Variants in VPS37C observed in about 807,000 individuals in gnomAD.
VPS37C encodes vacuolar protein sorting-associated protein 37C.
A neutral mutation model predicts 16.1 loss-of-function variants in VPS37C; 9 were observed. That is an observed-to-expected ratio of 0.56 (90% CI 0.34 to 0.97). The LOEUF (loss-of-function observed/expected upper bound fraction) is 0.97. Among genes scored for constraint, VPS37C ranks in the 50% least tolerant of loss-of-function variants. The pLI, the probability that VPS37C is intolerant of heterozygous loss-of-function variation, is 0.02. For synonymous variants in VPS37C, 207 were observed against 206.4 expected, an observed-to-expected ratio of 1.00 and a Z score of -0.02; for missense variants, 479 against 472.7, an observed-to-expected ratio of 1.01 and a Z score of -0.12.
At position 61,134,235 on chromosome 11, in the gene VPS37C, G is replaced by C. The variant is rs199789627; in HGVS notation, c.94-28C>G. On this transcript the variant is annotated intron_variant, in intron 2 of 4. Transcript: ENST00000301765. ...AAAAGGGCAGGACAACAGAACCTAAGGAAAACGTCCATCACCCTTAACCTC... is the reference window on the plus strand; with the variant it reads ...AAAAGGGCAGGACAACAGAACCTAACGAAAACGTCCATCACCCTTAACCTC... The C allele has an allele frequency of 6.9e-5, 110 of 1,595,206 alleles. No homozygotes were observed. The East Asian group carries it at 1.1e-3, about 15-fold the overall frequency.
rs72280271 is a variant in VPS37C, at chr11:61,139,746, T to TTGG, written c.-6-912_-6-911insCCA. ...TCCAGAGGTGCATTCCATAGCTTTT[T>TTGG]TTTTTTTTTTTTTTTGAGACATGGT... is the stretch of plus-strand genomic sequence containing the variant. On this transcript the variant is annotated intron_variant, in intron 1 of 4. Coordinates refer to ENST00000301765, the MANE Select transcript of VPS37C (RefSeq NM_017966.5). 2.2e-3 allele frequency among the ~76,000 whole-genome samples: 68 copies of TTGG among 31,210 alleles called. 2 individuals carry two copies. Among genetic ancestry groups the TTGG allele is most frequent in the South Asian group, 5.6e-3 (2 of 358 alleles). The allele number at this position is 31,210 out of a possible 152,430, so 20.5% of individuals were successfully genotyped here.
chr11:61,134,114 T>A lies in VPS37C; in HGVS notation c.187A>T (p.Ser63Cys). The A allele has an allele frequency of 6.2e-7, 1 of 1,614,044 alleles. No homozygotes were observed. The highest frequency in any genetic ancestry group is 8.5e-7 in the Non-Finnish European group (1 of 1,179,998). ...TATCTATCCGAGAGGTTTGAGCGGCTGATCTCCAGGGGACCCTGGAACTCC... is the reference window on the plus strand; with the variant it reads ...TATCTATCCGAGAGGTTTGAGCGGCAGATCTCCAGGGGACCCTGGAACTCC... ...NLEFQGPLEISRSNLSDRYQE... is the reference protein window; with the variant it reads ...NLEFQGPLEICRSNLSDRYQE... Residue 63 changes from serine to cysteine, a missense_variant, in exon 3 of 5, where the codon AGC becomes TGC. Ser to Cys is a moderately radical substitution (Grantham distance 112). Transcript: ENST00000301765.
intron 1 of VPS37C, among the ~76,000 whole-genome samples, chr11:61,150,697 T>G (rs1419227280): frequency 6.6e-6 from 1 of 151,890 alleles, no homozygotes; most frequent in African/African-American, 2.4e-5. Context: ...AGTTGGCCCC[T>G]GAGACCACCG....
At position 61,132,448 on chromosome 11, in the gene VPS37C, C is replaced by T; in HGVS notation, c.440G>A (p.Arg147Gln). 2 of 1,613,002 alleles carry T rather than the reference C, an allele frequency of 1.2e-6. No homozygotes were observed. The highest frequency in any genetic ancestry group is 2.2e-5 in the East Asian group (1 of 44,856). Residue 147 changes from arginine to glutamine, a missense_variant, in exon 5 of 5, where the codon CGG becomes CAG. Arg to Gln is a conservative substitution (Grantham distance 43). Coordinates refer to ENST00000301765, the MANE Select transcript of VPS37C (RefSeq NM_017966.5). ...TTCCTGGAGCTTTTCCACGCGAACC[C>T]GGCGCAGGTGGGACAGCATCCTCAT... ...SSMRMLSHLRRVRVEKLQEVV... is the reference protein window; with the variant it reads ...SSMRMLSHLRQVRVEKLQEVV...
chr11:61,151,252 A>G (rs1011672215), intron 1 of VPS37C, among the ~76,000 whole-genome samples: 1 of 152,180 alleles, frequency 6.6e-6, no homozygotes, highest in African/African-American at 2.4e-5. Flanking sequence ...GAAGAGTAGG[A>G]TCTGTTCTAT....
In VPS37C at chr11:61,138,727, C is replaced by T. The variant is rs1405579084; in HGVS notation, c.93+10G>A. 6.2e-7 allele frequency: 1 copy of T among 1,613,894 alleles called. No homozygotes were observed. Among genetic ancestry groups the T allele is most frequent in the South Asian group, 1.1e-5 (1 of 91,088 alleles). ...GGCCTCTGTTGGGTCCCATACCAGC[C>T]TCCCTCTACCTCAGGGGACTCCAGG... On this transcript the variant is annotated intron_variant, in intron 2 of 4. Coordinates refer to ENST00000301765, the MANE Select transcript of VPS37C (RefSeq NM_017966.5).
chr11:61,147,484 G>A (rs1853229465), intron 1 of VPS37C, among the ~76,000 whole-genome samples: 1 of 152,162 alleles, frequency 6.6e-6, no homozygotes, highest in African/African-American at 2.4e-5. Context: ...GCCAAAGGCA[G>A]CGCCACGTCC....
intron 1 of VPS37C, among the ~76,000 whole-genome samples, chr11:61,159,234 C>A (rs977299091): frequency 6.6e-6 from 1 of 152,144 alleles, no homozygotes; most frequent in Non-Finnish European, 1.5e-5. Context: ...TCCAAGCTAC[C>A]AGTGGCCCAG....
chr11:61,147,762 A>T (rs677385), intron 1 of VPS37C, among the ~76,000 whole-genome samples: 112,316 of 151,898 alleles, frequency 0.74, 42,941 homozygotes, highest in East Asian at 1. Flanking sequence ...CTGAGATGAG[A>T]GTGTGGCATG....
intron 2 of VPS37C, 59 bp from the exon 3 acceptor site, chr11:61,134,266 A>T: frequency 1.3e-6 from 2 of 1,558,030 alleles, no homozygotes; most frequent in Non-Finnish European, 1.7e-6. Flanking sequence ...ACCTCCTGGC[A>T]GCCTGGGTCA....
At position 61,132,093 on chromosome 11, in the gene VPS37C, G is replaced by A. The variant is rs572696384; in HGVS notation, c.795C>T (p.Ser265=). 7.1e-6 allele frequency: 10 copies of A among 1,401,424 alleles called. No homozygotes were observed. In the South Asian group the frequency reaches 1.3e-4, roughly 19 times the overall value. 86.8% of individuals were successfully genotyped at this position (1,401,424 alleles called of 1,614,324 possible). A position where few individuals can be genotyped will look rare whatever the true frequency, so the allele number is the denominator to read the frequency against. ...CAGGATAGCCCGGCCGGGGTGGCAT[G>A]CTCCTCTGTGGGGACCAGGAGTAAC... The part of the protein sequence containing the change: ...AAGYSWSPQR[S]MPPRPGYPGT... Residue 265 remains serine, a synonymous_variant, in exon 5 of 5, where the codon AGC becomes AGT. Transcript: ENST00000301765.
chr11:61,160,538 G>T (rs922514738), intron 1 of VPS37C, among the ~76,000 whole-genome samples: 2 of 152,194 alleles, frequency 1.3e-5, no homozygotes, highest in Admixed American at 6.5e-5. Context: ...CCGCTGGAGC[G>T]AAGGGAAATG....
chr11:61,148,101 G>A lies in VPS37C; in HGVS notation c.-6-9266C>T, dbSNP rs113986426. ...AATATAAATTATTCCACCTCCTGGC[G>A]TTACTCCTGCAACCCCTGGGCTGCA... On this transcript the variant is annotated intron_variant, in intron 1 of 4. Coordinates refer to ENST00000301765, the MANE Select transcript of VPS37C (RefSeq NM_017966.5). Among the ~76,000 whole-genome samples the A allele has an allele frequency of 4.2e-3, 644 of 152,196 alleles. 1 individual carries two copies. Among genetic ancestry groups the A allele is most frequent in the Non-Finnish European group, 7.2e-3 (493 of 68,008 alleles).
intron 4 of VPS37C, chr11:61,132,798 G>A (rs539107874): frequency 6.9e-5 from 40 of 583,248 alleles, no homozygotes; most frequent in African/African-American, 6.5e-4. Context: ...ATCATGCCAG[G>A]CCCACAGTGG....
chr11:61,149,462 G>A (rs1244553835), intron 1 of VPS37C, among the ~76,000 whole-genome samples: 1 of 152,170 alleles, frequency 6.6e-6, no homozygotes, highest in Non-Finnish European at 1.5e-5. Flanking sequence ...GGGGTTGTAA[G>A]GATTAAATGA....
At chr11:61,137,667 G>A (rs1273258793) in intron 2 of VPS37C, among the ~76,000 whole-genome samples, 1 of 152,194 alleles carries the variant, frequency 6.6e-6, no homozygotes, top group Non-Finnish European at 1.5e-5. Context: ...CTGGGGCTTC[G>A]ACAAGCAAGC....
In VPS37C at chr11:61,158,497, G is replaced by A. The variant is rs143727182; in HGVS notation, c.-7+2894C>T. Among the ~76,000 whole-genome samples the A allele has an allele frequency of 4.5e-4, 68 of 152,336 alleles. No individual in the cohort carries two copies. The East Asian group carries it at 0.011, about 24-fold the overall frequency. On this transcript the variant is annotated intron_variant, in intron 1 of 4. Coordinates refer to ENST00000301765, the MANE Select transcript of VPS37C (RefSeq NM_017966.5). ...AAGTCTCAGCAAATTTAATAGAGAA[G>A]TATGTTCTCTATTTAAAAGAAAATA...
At chr11:61,137,135 C>A (rs1861390686) in intron 2 of VPS37C, among the ~76,000 whole-genome samples, 1 of 152,194 alleles carries the variant, frequency 6.6e-6, no homozygotes, top group Non-Finnish European at 1.5e-5. Flanking sequence ...CCTCCACACA[C>A]CCCTCTATGC....
intron 2 of VPS37C, among the ~76,000 whole-genome samples, chr11:61,135,753 A>G (rs985117105): frequency 6.6e-6 from 1 of 152,124 alleles, no homozygotes; most frequent in Non-Finnish European, 1.5e-5. Flanking sequence ...TGGAAACTTT[A>G]CTTACATGGC....
Sources: gnomAD v4.1 joint callset for allele counts (sites outside exome capture counted in the v4.1 genomes callset) on GRCh38, gnomAD v4.1.1 for gene constraint, MANE v1.5 for transcripts, NCBI Gene and HGNC (gene_info 2026-07-23, HGNC 2026-07-21) for gene names.